SPATA6L: variants seen among roughly 807,000 people sequenced by gnomAD.
The protein encoded by SPATA6L is spermatogenesis associated 6-like protein.
In SPATA6L, 68 loss-of-function variants were observed where a neutral mutation model predicts 49.2. The ratio of observed to expected loss-of-function variants is 1.38; its 90% CI spans 1.14 to 1.69. The LOEUF is 1.69. SPATA6L is among the 40% of genes most tolerant of loss of function. The pLI, the probability that SPATA6L is intolerant of heterozygous loss-of-function variation, is 0.00. For synonymous variants in SPATA6L, 198 were observed against 165.7 expected (o/e 1.19, Z -1.50); for missense variants, 668 against 464.3 (o/e 1.44, Z -4.03).
chr9:4,635,114 C>T (rs1272687323), intron 4 of SPATA6L, among the ~76,000 whole-genome samples, 161 bp downstream of exon 4: 7 of 152,156 alleles, frequency 4.6e-5, no homozygotes, highest in African/African-American at 9.7e-5. Flanking sequence ...TACTGGAAAT[C>T]AGTATAATTT....
Position 4,662,917 on chromosome 9 carries a change from C to G in SPATA6L, c.40-881G>C, listed in dbSNP as rs781714214. On this transcript the variant is annotated intron_variant, in intron 1 of 11. Transcript: ENST00000682582. The surrounding 1 kb of genome is among the most constrained non-coding windows in gnomAD (Gnocchi z 4.9). ...CTGCTGTTGGACCTGCTGCTGGTGG[C>G]CTTGATCAAAGGGCTGGTCCGCAGG... is the stretch of plus-strand genomic sequence containing the variant. 1 of 1,610,082 alleles carries G rather than the reference C, an allele frequency of 6.2e-7. No homozygotes were observed. The highest frequency in any genetic ancestry group is 1.1e-5 in the South Asian group (1 of 91,060).
intron 3 of SPATA6L, among the ~76,000 whole-genome samples, chr9:4,646,905 C>A (rs934557583): frequency 7.2e-5 from 11 of 152,044 alleles, no homozygotes; most frequent in African/African-American, 2.7e-4. Flanking sequence ...CCAATACACA[C>A]TGGGGCCTAC....
At chr9:4,647,841 T>G (rs80240495) in intron 3 of SPATA6L, among the ~76,000 whole-genome samples, 2 of 52,526 alleles carry the variant, frequency 3.8e-5, no homozygotes, top group East Asian at 7.6e-4. Flanking sequence ...TTTAGTTTTT[T>G]TTTTTTTTTT....
At chr9:4,620,316 G>A (rs922529977) in intron 7 of SPATA6L, among the ~76,000 whole-genome samples, 1 of 152,024 alleles carries the variant, frequency 6.6e-6, no homozygotes, top group Non-Finnish European at 1.5e-5. Context: ...TCCTCCTGTG[G>A]CTTCATAAAC....
intron 3 of SPATA6L, 134 bp from the exon 4 acceptor site, chr9:4,635,533 C>A: frequency 1.3e-6 from 1 of 769,740 alleles, no homozygotes; most frequent in Non-Finnish European, 1.9e-6. Flanking sequence ...ACATGTTATT[C>A]AAGAGGAGAC....
intron 9 of SPATA6L, among the ~76,000 whole-genome samples, chr9:4,611,519 A>G (rs1826707923): frequency 6.7e-6 from 1 of 149,088 alleles, no homozygotes; most frequent in Admixed American, 6.6e-5. Context: ...GAAATTGGAA[A>G]TCACCATTCT....
At chr9:4,641,144 T>C (rs888158328) in intron 3 of SPATA6L, among the ~76,000 whole-genome samples, 3 of 151,914 alleles carry the variant, frequency 2.0e-5, no homozygotes, top group African/African-American at 7.3e-5. Flanking sequence ...CATATGTCTT[T>C]CAAGAGACCA....
intron 3 of SPATA6L, among the ~76,000 whole-genome samples, chr9:4,644,681 T>TCACACACACA (rs1480392426): frequency 3.8e-5 from 5 of 132,168 alleles, no homozygotes; most frequent in African/African-American, 1.7e-4. Flanking sequence ...TCTCTCTCTC[T>TCACACACACA]CTCTCACACA....
rs1288624410 is a variant in SPATA6L, at chr9:4,662,358, T to C, written c.40-322A>G. On this transcript the variant is annotated intron_variant, in intron 1 of 11. Transcript: ENST00000682582. The surrounding 1 kb of genome is among the most constrained non-coding windows in gnomAD (Gnocchi z 4.9). ...TGTTTGGTCCGGCCAGGTCCCGGGA[T>C]CCGGGCCGCCAGCTGCGATGCCAAG... 22 of 1,488,762 alleles carry C rather than the reference T, an allele frequency of 1.5e-5. No individual in the cohort carries two copies. Among genetic ancestry groups the C allele is most frequent in the Non-Finnish European group, 2.0e-5 (22 of 1,126,920 alleles). The allele number at this position is 1,488,762 out of a possible 1,614,324, so 92.2% of individuals were successfully genotyped here.
chr9:4,619,313 T>G (rs1032619081), intron 7 of SPATA6L, among the ~76,000 whole-genome samples: 3 of 151,974 alleles, frequency 2.0e-5, no homozygotes, highest in East Asian at 1.9e-4. Context: ...CCCGCCACCA[T>G]GCCCGGCCAA....
chr9:4,662,206 C>T lies in SPATA6L; in HGVS notation c.40-170G>A, dbSNP rs560275083. The T allele has an allele frequency of 5.2e-5, 74 of 1,436,552 alleles. No homozygotes were observed. The highest frequency in any genetic ancestry group is 8.9e-5 in the South Asian group (6 of 67,442). The allele number at this position is 1,436,552 out of a possible 1,614,324, so 89.0% of individuals were successfully genotyped here. On this transcript the variant is annotated intron_variant, in intron 1 of 11. Transcript: ENST00000682582. This position sits in a 1 kb window ranked among gnomAD's most constrained non-coding sequence, Gnocchi z 4.9. Reference sequence around the variant, plus strand: ...AACATCCTCCCCTCTGCTCTCCTCACATTGGAAATTCCAACTCCCTCCCAC... The same window carrying T: ...AACATCCTCCCCTCTGCTCTCCTCATATTGGAAATTCCAACTCCCTCCCAC...
intron 3 of SPATA6L, among the ~76,000 whole-genome samples, chr9:4,647,019 G>C (rs1208946396): frequency 6.6e-6 from 1 of 151,326 alleles, no homozygotes; most frequent in South Asian, 2.1e-4. Context: ...CCCATGATAC[G>C]GGTTCACCTA....
chr9:4,662,952 G>A lies in SPATA6L; in HGVS notation c.40-916C>T, dbSNP rs371968478. Reference sequence around the variant, plus strand: ...AGGGCTGGTCCGCAGGCGCCGCCCGGCCCACAACCAGATGGACATGTTTGT... The same window carrying A: ...AGGGCTGGTCCGCAGGCGCCGCCCGACCCACAACCAGATGGACATGTTTGT... On this transcript the variant is annotated intron_variant, in intron 1 of 11. Transcript: ENST00000682582. This position sits in a 1 kb window ranked among gnomAD's most constrained non-coding sequence, Gnocchi z 4.9. The A allele has an allele frequency of 3.1e-6, 5 of 1,612,134 alleles. No homozygotes were observed. In the African/African-American group the frequency reaches 5.3e-5, roughly 17 times the overall value.
At chr9:4,663,117 C>G in intron 1 of SPATA6L, 2 of 1,614,032 alleles carry the variant, frequency 1.2e-6, no homozygotes, top group Non-Finnish European at 8.5e-7. Flanking sequence ...CGTCTTGGGC[C>G]TATCCAGGGT....
rs893377633 is a variant in SPATA6L, at chr9:4,662,117, A to C, written c.40-81T>G. 5.2e-6 allele frequency: 8 copies of C among 1,546,696 alleles called. No homozygotes were observed. The African/African-American group carries it at 6.9e-5, about 13-fold the overall frequency. On this transcript the variant is annotated intron_variant, in intron 1 of 11. Coordinates refer to ENST00000682582, the MANE Select transcript of SPATA6L (RefSeq NM_001353486.2). This position sits in a 1 kb window ranked among gnomAD's most constrained non-coding sequence, Gnocchi z 4.9. ...TGTTACACGGGGCTCTATTTCTCTT[A>C]AGCTCCTACAGACACTGACATTTTC...
At chr9:4,598,270 T>C (rs1822475488), downstream of SPATA6L, among the ~76,000 whole-genome samples, 1 of 152,076 alleles carries the variant, frequency 6.6e-6, no homozygotes, top group African/African-American at 2.4e-5. Flanking sequence ...TCTGCAACCA[T>C]AAAAATCAAG....
intron 3 of SPATA6L, among the ~76,000 whole-genome samples, chr9:4,641,556 C>A (rs1283052262): frequency 1.3e-5 from 2 of 151,980 alleles, no homozygotes; most frequent in Non-Finnish European, 2.9e-5. Context: ...GGACTAATGA[C>A]AAGAAAAAGT....
At position 4,662,423 on chromosome 9, in the gene SPATA6L, C is replaced by G. The variant is rs553329220; in HGVS notation, c.40-387G>C. The G allele has an allele frequency of 6.5e-7, 1 of 1,539,844 alleles. No homozygotes were observed. ...TGGAGGGACGGCCGCTGGGCGTCTC[C>G]GCTTCGAGCAGCAGCAGCAGCCCCG... On this transcript the variant is annotated intron_variant, in intron 1 of 11. Transcript: ENST00000682582. The surrounding 1 kb of genome is among the most constrained non-coding windows in gnomAD (Gnocchi z 4.9).
At chr9:4,655,204 AT>A (rs1837843078) in intron 3 of SPATA6L, among the ~76,000 whole-genome samples, 2 of 152,244 alleles carry the variant, frequency 1.3e-5, no homozygotes, top group South Asian at 4.1e-4. Flanking sequence ...ACAGAATACT[AT>A]TTGGCCATAC....
Sources: gnomAD v4.1 joint callset for allele counts (sites outside exome capture counted in the v4.1 genomes callset) on GRCh38, gnomAD v4.1.1 for gene constraint, Gnocchi (gnomAD v3.1) non-coding constraint, MANE v1.5 for transcripts, NCBI Gene and HGNC (gene_info 2026-07-23, HGNC 2026-07-21) for gene names.